Variants in CTNNA3 observed in about 807,000 individuals in gnomAD.
The protein encoded by CTNNA3 is catenin alpha-3.
In CTNNA3, 76 loss-of-function variants were observed where a neutral mutation model predicts 95.7. The observed-to-expected ratio is 0.79, with a 90% CI of 0.66 to 0.96. The LOEUF (loss-of-function observed/expected upper bound fraction) is 0.96. Among genes scored for constraint, CTNNA3 ranks in the 40% least tolerant of loss-of-function variants. The pLI is 0.00. For synonymous variants in CTNNA3, 431 were observed against 374.4 expected (o/e 1.15, Z -1.74); for missense variants, 1,191 against 1,089.8 (o/e 1.09, Z -1.31).
intron 1 of CTNNA3, among the ~76,000 whole-genome samples, chr10:67,668,419 A>G (rs1048782432): frequency 7.9e-5 from 12 of 152,194 alleles, no homozygotes; most frequent in African/African-American, 2.9e-4. Flanking sequence ...TGAACCCTAT[A>G]TATGTTTTTC....
At chr10:65,979,761 G>C (rs1435881063) in intron 16 of CTNNA3, among the ~76,000 whole-genome samples, 1 of 151,988 alleles carries the variant, frequency 6.6e-6, no homozygotes, top group Non-Finnish European at 1.5e-5. Flanking sequence ...TACATAAAGG[G>C]GAAAAGAGTA....
intron 7 of CTNNA3, among the ~76,000 whole-genome samples, chr10:66,868,992 G>C (rs957134447): frequency 6.6e-6 from 1 of 152,042 alleles, no homozygotes; most frequent in Non-Finnish European, 1.5e-5. Context: ...AAATTCACAG[G>C]TTGCAAACTC....
chr10:66,433,934 T>C (rs779641532), intron 11 of CTNNA3, among the ~76,000 whole-genome samples: 10 of 152,214 alleles, frequency 6.6e-5, no homozygotes, highest in Non-Finnish European at 1.5e-4. Flanking sequence ...GTCAGGTTTG[T>C]CAAAGATCAG....
intron 7 of CTNNA3, among the ~76,000 whole-genome samples, chr10:66,864,982 C>T (rs1326454233): frequency 6.6e-6 from 1 of 151,822 alleles, no homozygotes. Context: ...TTCTCCTCAG[C>T]AGTTAGAGTG....
chr10:66,842,121 T>G (rs762452040), intron 7 of CTNNA3, among the ~76,000 whole-genome samples: 1 of 151,858 alleles, frequency 6.6e-6, no homozygotes, highest in Non-Finnish European at 1.5e-5. Flanking sequence ...TTTCTTTTTT[T>G]TTGGAGAGAT....
chr10:66,254,668 G>A (rs1447838646), intron 13 of CTNNA3, among the ~76,000 whole-genome samples: 1 of 152,122 alleles, frequency 6.6e-6, no homozygotes, highest in Non-Finnish European at 1.5e-5. Flanking sequence ...ACCCTGCCGG[G>A]CATCTTTTTG....
intron 12 of CTNNA3, among the ~76,000 whole-genome samples, chr10:66,351,340 TAAG>T (rs1254751553): frequency 6.6e-6 from 1 of 152,024 alleles, no homozygotes; most frequent in Non-Finnish European, 1.5e-5. Context: ...ATTTTTCAGA[TAAG>T]AAGACTTGGG....
At chr10:67,267,432 T>C (rs942270450) in intron 5 of CTNNA3, among the ~76,000 whole-genome samples, 16 of 152,184 alleles carry the variant, frequency 1.1e-4, no homozygotes, top group African/African-American at 3.6e-4. Context: ...TGGCACGATC[T>C]TGGCTCACTG....
chr10:66,064,725 G>A (rs891334090), intron 15 of CTNNA3, among the ~76,000 whole-genome samples: 3 of 152,112 alleles, frequency 2.0e-5, no homozygotes, highest in Non-Finnish European at 1.5e-5. Flanking sequence ...TAAAATCTTA[G>A]TATCAACATT....
chr10:66,888,671 A>G (rs2132486425), intron 7 of CTNNA3, among the ~76,000 whole-genome samples: 1 of 152,314 alleles, frequency 6.6e-6, no homozygotes, highest in Non-Finnish European at 1.5e-5. Context: ...AAAACAAGAT[A>G]CCACTACACA....
chr10:66,185,217 T>G (rs945192017), intron 13 of CTNNA3, among the ~76,000 whole-genome samples: 1 of 152,100 alleles, frequency 6.6e-6, no homozygotes, highest in Non-Finnish European at 1.5e-5. Flanking sequence ...GGTAAATAAA[T>G]AGAGAAAAAC....
At chr10:66,582,092 T>C (rs901458471) in intron 10 of CTNNA3, among the ~76,000 whole-genome samples, 1 of 151,932 alleles carries the variant, frequency 6.6e-6, no homozygotes, top group East Asian at 1.9e-4. Context: ...CCTCCAGATT[T>C]GTTCTTTTCG....
chr10:65,952,029 C>CAA (rs55842958), intron 17 of CTNNA3, among the ~76,000 whole-genome samples: 21,921 of 99,338 alleles, frequency 0.22, 2,890 homozygotes, highest in African/African-American at 0.3. Flanking sequence ...GGCTCCGCCT[C>CAA]AAAAAAAAAA....
intron 1 of CTNNA3, among the ~76,000 whole-genome samples, chr10:67,741,222 G>A (rs972921455): frequency 6.6e-6 from 1 of 150,404 alleles, no homozygotes; most frequent in Admixed American, 6.7e-5. Flanking sequence ...TGACGAGTTA[G>A]TGGGTGCAGC....
intron 10 of CTNNA3, among the ~76,000 whole-genome samples, chr10:66,535,200 G>A (rs1841610107): frequency 6.6e-6 from 1 of 152,062 alleles, no homozygotes; most frequent in Non-Finnish European, 1.5e-5. Flanking sequence ...AAATGAGTTA[G>A]TTGATAGACA....
At chr10:66,482,201 C>T (rs1349953670) in intron 11 of CTNNA3, among the ~76,000 whole-genome samples, 4 of 152,132 alleles carry the variant, frequency 2.6e-5, no homozygotes, top group Non-Finnish European at 1.5e-5. Flanking sequence ...AAAACCAACA[C>T]AGTTGAGCAT....
rs147740954 is a variant in CTNNA3, at chr10:66,698,392, A to T, written c.1281+67872T>A. Among the ~76,000 whole-genome samples, 4 of 152,272 alleles carry T rather than the reference A, an allele frequency of 2.6e-5. No homozygotes were observed. In the East Asian group the frequency reaches 7.7e-4, roughly 29 times the overall value. ...AGGCAGGAGCTGAATTCAATCTTACAATGTGTGTGCGCTTATTCCTTCCAT... is the reference window on the plus strand; with the variant it reads ...AGGCAGGAGCTGAATTCAATCTTACTATGTGTGTGCGCTTATTCCTTCCAT... On this transcript the variant is annotated intron_variant, in intron 9 of 17. Coordinates refer to ENST00000433211, the MANE Select transcript of CTNNA3 (RefSeq NM_013266.4).
chr10:66,232,117 C>T (rs1323491292), intron 13 of CTNNA3, among the ~76,000 whole-genome samples: 2 of 152,052 alleles, frequency 1.3e-5, no homozygotes, highest in Admixed American at 6.6e-5. Flanking sequence ...AATAACTTCC[C>T]CCAAAATCAG....
intron 11 of CTNNA3, among the ~76,000 whole-genome samples, chr10:66,434,711 C>G (rs2093324495): frequency 6.6e-6 from 1 of 152,134 alleles, no homozygotes. Context: ...AGAGGGCATC[C>G]TTGCCTGTGC....
Sources: allele counts gnomAD v4.1 joint callset (sites outside exome capture counted in the v4.1 genomes callset), GRCh38; gene constraint gnomAD v4.1.1; transcripts MANE v1.5; gene names NCBI Gene and HGNC (gene_info 2026-07-23, HGNC 2026-07-21).